Variants in PHEX observed in about 807,000 individuals in gnomAD.
PHEX encodes the protein phosphate regulating endopeptidase X-linked.
In PHEX, 16 loss-of-function variants were observed where a neutral mutation model predicts 68.0. That is an observed-to-expected ratio of 0.24 (90% CI 0.16 to 0.36). PHEX has a LOEUF of 0.36. Among genes scored for constraint, PHEX ranks in the 10% least tolerant of loss-of-function variants. The pLI is 1.00. For missense variants in PHEX, 480 were observed against 575.5 expected (o/e 0.83, Z 1.70); for synonymous variants, 208 against 205.1 (o/e 1.01, Z -0.12).
chrX:22,074,355 G>A (rs1379663712), intron 3 of PHEX, among the ~76,000 whole-genome samples: 1 of 109,527 alleles, frequency 9.1e-6, no homozygotes, highest in Non-Finnish European at 1.9e-5. Context: ...TGTTTTAAAA[G>A]CCAAATTCTG....
chrX:22,055,136 C>A (rs1213606088), intron 3 of PHEX, among the ~76,000 whole-genome samples: 1 of 96,502 alleles, frequency 1.0e-5, no homozygotes, highest in Non-Finnish European at 2.0e-5. Context: ...GATAGCACCA[C>A]TGCACTCCAG....
chrX:22,229,353 C>T (rs1013725719), intron 20 of PHEX, among the ~76,000 whole-genome samples: 12 of 112,004 alleles, frequency 1.1e-4, no homozygotes, highest in African/African-American at 3.9e-4. Flanking sequence ...TTTACACTCC[C>T]ACCAACAGTG....
chrX:22,132,568 G>T (rs1932056053), intron 11 of PHEX, among the ~76,000 whole-genome samples: 1 of 111,873 alleles, frequency 8.9e-6, no homozygotes, highest in Non-Finnish European at 1.9e-5. Flanking sequence ...GATTCATATT[G>T]GTGAAGTGTC....
At chrX:22,112,361 T>G (rs948204267) in intron 10 of PHEX, among the ~76,000 whole-genome samples, 1 of 112,121 alleles carries the variant, frequency 8.9e-6, no homozygotes, top group Non-Finnish European at 1.9e-5. Flanking sequence ...ACCTTTGTTT[T>G]TGAGGCTTAT....
At chrX:22,119,901 T>C (rs1931414338) in intron 11 of PHEX, among the ~76,000 whole-genome samples, 1 of 110,679 alleles carries the variant, frequency 9.0e-6, no homozygotes, top group Non-Finnish European at 1.9e-5. Context: ...CTGGCCTTGT[T>C]TGATTATTAT....
intron 14 of PHEX, among the ~76,000 whole-genome samples, chrX:22,184,850 C>T (rs974136995): frequency 1.8e-5 from 2 of 112,035 alleles, no homozygotes; most frequent in African/African-American, 6.5e-5. Context: ...AAATTATGTT[C>T]CTGCCCAGAA....
chrX:22,179,225 T>G (rs1933805634), intron 14 of PHEX, among the ~76,000 whole-genome samples: 1 of 76,717 alleles, frequency 1.3e-5, no homozygotes, highest in South Asian at 4.5e-4. Context: ...CTCCAATGCT[T>G]TTTTTTCTCT....
chrX:22,246,695 T>C (rs762638658), intron 21 of PHEX, among the ~76,000 whole-genome samples: 149 of 112,365 alleles, frequency 1.3e-3, no homozygotes, highest in Middle Eastern at 4.6e-3. Flanking sequence ...CTGTATTCTA[T>C]CTTTAACACT....
intron 21 of PHEX, among the ~76,000 whole-genome samples, chrX:22,246,494 T>C (rs2147215536): frequency 8.9e-6 from 1 of 111,803 alleles, no homozygotes; most frequent in Non-Finnish European, 1.9e-5. Context: ...TGGAAATTTC[T>C]CCCCCACTGG....
chrX:22,128,023 A>G (rs1391586736), intron 11 of PHEX, among the ~76,000 whole-genome samples: 3 of 111,903 alleles, frequency 2.7e-5, no homozygotes, highest in South Asian at 3.7e-4. Context: ...TAGAATGCCA[A>G]TCAATGGGTT....
At chrX:22,053,159 G>A (rs1431001018) in intron 3 of PHEX, among the ~76,000 whole-genome samples, 1 of 111,678 alleles carries the variant, frequency 9.0e-6, no homozygotes, top group Non-Finnish European at 1.9e-5. Context: ...AATGCTTTAA[G>A]TTTTATTCTG....
intron 3 of PHEX, among the ~76,000 whole-genome samples, chrX:22,053,905 A>G (rs1411471859): frequency 1.8e-5 from 2 of 111,675 alleles, no homozygotes; most frequent in Non-Finnish European, 3.8e-5. Flanking sequence ...CTGAGATTCA[A>G]ATAGTTCTCG....
At chrX:22,234,584 T>A (rs1343938901) in intron 20 of PHEX, among the ~76,000 whole-genome samples, 1 of 110,415 alleles carries the variant, frequency 9.1e-6, no homozygotes, top group East Asian at 2.9e-4. Context: ...AACCACCTAC[T>A]GAAGCCTCAG....
chrX:22,091,185 T>C (rs1278724800), intron 6 of PHEX, among the ~76,000 whole-genome samples: 1 of 111,906 alleles, frequency 8.9e-6, no homozygotes, highest in Non-Finnish European at 1.9e-5. Context: ...CTAACTTCTA[T>C]ACATAGAAGG....
intron 12 of PHEX, among the ~76,000 whole-genome samples, chrX:22,136,592 G>T (rs993048913): frequency 8.9e-6 from 1 of 112,065 alleles, no homozygotes; most frequent in Non-Finnish European, 1.9e-5. Context: ...GCTCTGGACC[G>T]CAGCTAATTA....
chrX:22,056,804 A>ATAT (rs1360450462), intron 3 of PHEX, among the ~76,000 whole-genome samples: 33 of 104,281 alleles, frequency 3.2e-4, no homozygotes, highest in African/African-American at 1.2e-3. Context: ...AATAATAATA[A>ATAT]TGTCCCCTAG....
chrX:22,046,899 T>C (rs1927561200), intron 2 of PHEX, 151 bp from the exon 3 acceptor site: 2 of 509,689 alleles, frequency 3.9e-6, no homozygotes, highest in Non-Finnish European at 3.4e-6. Context: ...TCATTTCATA[T>C]AGTGAGGTAG....
chrX:22,065,920 A>G (rs1416626745), intron 3 of PHEX, among the ~76,000 whole-genome samples: 1 of 111,820 alleles, frequency 8.9e-6, no homozygotes, highest in East Asian at 2.8e-4. Context: ...TTCGCCACAG[A>G]TTATGGGTCT....
chrX:22,213,132 C>A (rs1934985337), intron 16 of PHEX, among the ~76,000 whole-genome samples, 174 bp downstream of exon 16: 1 of 110,873 alleles, frequency 9.0e-6, no homozygotes, highest in Non-Finnish European at 1.9e-5. Flanking sequence ...TCCTTGTTAC[C>A]AGGGTGTATG....
Sources: allele counts gnomAD v4.1 joint callset (sites outside exome capture counted in the v4.1 genomes callset), GRCh38; gene constraint gnomAD v4.1.1; transcripts MANE v1.5; gene names NCBI Gene and HGNC (gene_info 2026-07-23, HGNC 2026-07-21).